CEP170: variants seen among roughly 807,000 people sequenced by gnomAD.
CEP170 encodes the protein centrosomal protein of 170 kDa.
CEP170 carries 21 observed loss-of-function variants against 151.9 expected under a neutral mutation model. The ratio of observed to expected loss-of-function variants is 0.14; its 90% CI spans 0.10 to 0.20. The LOEUF is 0.20. Ranked by LOEUF, CEP170 falls within the 10% of genes least tolerant of loss-of-function variation. CEP170 has a pLI of 1.00. For synonymous variants in CEP170, 356 were observed against 648.8 expected, an observed-to-expected ratio of 0.55 and a Z score of 6.86; for missense variants, 964 against 1,892.9, an observed-to-expected ratio of 0.51 and a Z score of 9.11.
chr1:243,140,322 T>C (rs1394826111), intron 15 of CEP170: 25 of 653,502 alleles, frequency 3.8e-5, no homozygotes, highest in Non-Finnish European at 5.4e-5. Flanking sequence ...GGTTTTATTT[T>C]CAAAATCCAA....
chr1:243,149,407 A>G (rs1367503074), intron 14 of CEP170, among the ~76,000 whole-genome samples: 2 of 152,138 alleles, frequency 1.3e-5, no homozygotes, highest in African/African-American at 4.8e-5. Flanking sequence ...GACTATGAGG[A>G]AGGAATAATG....
At position 243,185,515 on chromosome 1, in the gene CEP170, CTTTAA is replaced by C. The variant is rs1301773832; in HGVS notation, c.1566+259_1566+263del. Among the ~76,000 whole-genome samples the C allele has an allele frequency of 1.3e-5, 2 of 152,194 alleles. No homozygotes were observed. The highest frequency in any genetic ancestry group is 4.8e-5 in the African/African-American group (2 of 41,450). ...AAAGCATACTATTTTTAAAACCTATCTTTAATTTACACAAATTTAAAAGGTCCAAA... is the reference window on the plus strand; with the variant it reads ...AAAGCATACTATTTTTAAAACCTATCTTTACACAAATTTAAAAGGTCCAAA... On this transcript the variant is annotated intron_variant, in intron 10 of 19. Coordinates refer to ENST00000366542, the MANE Select transcript of CEP170 (RefSeq NM_014812.3). This position sits in a 1 kb window ranked among gnomAD's most constrained non-coding sequence, Gnocchi z 4.9.
intron 4 of CEP170, among the ~76,000 whole-genome samples, chr1:243,206,755 C>A (rs887606574): frequency 6.6e-6 from 1 of 152,048 alleles, no homozygotes; most frequent in African/African-American, 2.4e-5. Flanking sequence ...GGGTTTGTGA[C>A]ACACATAAAA....
At chr1:243,152,594 C>T (rs1279265472) in intron 14 of CEP170, among the ~76,000 whole-genome samples, 2 of 131,098 alleles carry the variant, frequency 1.5e-5, no homozygotes, top group African/African-American at 2.9e-5. Flanking sequence ...TGCAGCGGCA[C>T]AATCTCGGCT....
intron 14 of CEP170, among the ~76,000 whole-genome samples, chr1:243,152,721 C>T (rs574871549): frequency 2.5e-4 from 37 of 145,854 alleles, no homozygotes; most frequent in East Asian, 1.0e-3. Context: ...CTAGTAGAGA[C>T]GGGGTTTCAC....
At position 243,136,122 on chromosome 1, in the gene CEP170, TA is replaced by T. The variant is rs2055047743; in HGVS notation, c.4319+20del. ...AAGCAAAGTGAGGTGATATTAAAGT[TA>T]AAGCTATATGTACATGTACCTGATC... On this transcript the variant is annotated intron_variant, in intron 17 of 19. Transcript: ENST00000366542. 1 of 1,499,870 alleles carries T rather than the reference TA, an allele frequency of 6.7e-7. No homozygotes were observed. Among genetic ancestry groups the T allele is most frequent in the Non-Finnish European group, 9.0e-7 (1 of 1,114,890 alleles). 92.9% of individuals were successfully genotyped at this position (1,499,870 alleles called of 1,614,324 possible).
intron 3 of CEP170, among the ~76,000 whole-genome samples, chr1:243,221,243 TG>T (rs750039425): frequency 5.3e-5 from 8 of 152,182 alleles, no homozygotes; most frequent in Non-Finnish European, 1.0e-4. Flanking sequence ...CAGGATGGTC[TG>T]GATCTCCTGA....
intron 4 of CEP170, among the ~76,000 whole-genome samples, chr1:243,204,962 A>G (rs2061315703): frequency 6.6e-6 from 1 of 152,130 alleles, no homozygotes. Context: ...TTACAAGACA[A>G]TTGGCATCAG....
chr1:243,152,454 C>T (rs1247630350), intron 14 of CEP170, among the ~76,000 whole-genome samples: 1 of 150,158 alleles, frequency 6.7e-6, no homozygotes, highest in African/African-American at 2.4e-5. Context: ...ATCTCCTGAC[C>T]TCGTGATCCA....
At chr1:243,163,509 A>T (rs1211532549) in intron 13 of CEP170, among the ~76,000 whole-genome samples, 1 of 152,274 alleles carries the variant, frequency 6.6e-6, no homozygotes, top group Non-Finnish European at 1.5e-5. Flanking sequence ...GCATCAGTTA[A>T]ATTCTGGTGG....
At chr1:243,132,214 T>C (rs2054505903) in intron 17 of CEP170, among the ~76,000 whole-genome samples, 1 of 152,188 alleles carries the variant, frequency 6.6e-6, no homozygotes, top group African/African-American at 2.4e-5. Context: ...CCTGGCACTT[T>C]CCACGCAGAA....
At chr1:243,230,969 G>T (rs1363408467) in intron 1 of CEP170, among the ~76,000 whole-genome samples, 1 of 151,874 alleles carries the variant, frequency 6.6e-6, no homozygotes, top group Non-Finnish European at 1.5e-5. Context: ...TAAAGAAATA[G>T]AAAGAATTTT....
chr1:243,169,848 A>G, intron 11 of CEP170, 94 bp from the exon 12 acceptor site: 1 of 1,478,122 alleles, frequency 6.8e-7, no homozygotes, highest in Non-Finnish European at 9.1e-7. Context: ...AACTTGCCAT[A>G]CAAACCCATA....
At chr1:243,144,847 CAA>C (rs1387112801) in intron 14 of CEP170, among the ~76,000 whole-genome samples, 1 of 152,062 alleles carries the variant, frequency 6.6e-6, no homozygotes, top group Admixed American at 6.6e-5. Context: ...GCTGAAGGAA[CAA>C]AACAGAAGGG....
rs143680660 is a variant in CEP170, at chr1:243,212,688, T to TTCTC, written c.196-728_196-725dup. On this transcript the variant is annotated intron_variant, in intron 3 of 19. Coordinates refer to ENST00000366542, the MANE Select transcript of CEP170 (RefSeq NM_014812.3). The stretch of plus-strand genomic sequence containing the variant: ...CACATTTACTATTATATTTTCTTTC[T>TTCTC]TCTCTCTCTCTCTCTTTCTTTCAGG... Among the ~76,000 whole-genome samples, 41 of 149,892 alleles carry TTCTC rather than the reference T, an allele frequency of 2.7e-4. No individual in the cohort carries two copies. In the East Asian group the frequency reaches 2.9e-3, roughly 11 times the overall value.
chr1:243,216,977 T>C (rs1024638617), intron 3 of CEP170, among the ~76,000 whole-genome samples: 5 of 152,224 alleles, frequency 3.3e-5, no homozygotes, highest in African/African-American at 1.2e-4. Context: ...CACTAAGCGA[T>C]TTACTTCACT....
At chr1:243,155,244 C>T (rs545455612) in intron 14 of CEP170, among the ~76,000 whole-genome samples, 40 of 152,206 alleles carry the variant, frequency 2.6e-4, no homozygotes, top group Admixed American at 2.1e-3. Flanking sequence ...AGTGAATAGT[C>T]TTTAAAAATA....
At position 243,141,968 on chromosome 1, in the gene CEP170, T is replaced by C. The variant is rs187696882; in HGVS notation, c.4059+348A>G. 2.8e-3 allele frequency among the ~76,000 whole-genome samples: 423 copies of C among 152,350 alleles called. 3 individuals are homozygous for C. The highest frequency in any genetic ancestry group is 4.2e-3 in the Non-Finnish European group (287 of 68,028). ...AATATTTTTAATTGGAGCATTTTCA[T>C]AGTCAAACTTTATAGAAACTTTATA... On this transcript the variant is annotated intron_variant, in intron 15 of 19. Coordinates refer to ENST00000366542, the MANE Select transcript of CEP170 (RefSeq NM_014812.3).
intron 1 of CEP170, among the ~76,000 whole-genome samples, chr1:243,241,888 G>C (rs1430660613): frequency 6.6e-6 from 1 of 151,752 alleles, no homozygotes; most frequent in Non-Finnish European, 1.5e-5. Flanking sequence ...AGGGGGAGTG[G>C]GCTATGAAGT....
Sources: allele counts gnomAD v4.1 joint callset (sites outside exome capture counted in the v4.1 genomes callset), GRCh38; gene constraint gnomAD v4.1.1; non-coding constraint Gnocchi (gnomAD v3.1); transcripts MANE v1.5; gene names NCBI Gene and HGNC (gene_info 2026-07-23, HGNC 2026-07-21).